Variants in SERPINB11 observed in about 807,000 individuals in gnomAD.
The protein encoded by SERPINB11 is serpin B11.
A neutral mutation model predicts 36.7 loss-of-function variants in SERPINB11; 32 were observed. That is an observed-to-expected ratio of 0.87 (90% confidence interval 0.66 to 1.17). The LOEUF is 1.17. SERPINB11 is among the 50% of genes most tolerant of loss of function. The probability of loss-of-function intolerance (pLI) is 0.00; values close to 1 mark genes in which losing one functional copy is unlikely to be tolerated. For missense variants in SERPINB11, 528 were observed against 458.4 expected, an observed-to-expected ratio of 1.15 and a Z score of -1.39; for synonymous variants, 174 against 168.1, an observed-to-expected ratio of 1.04 and a Z score of -0.27.
chr18:63,716,579 A>G (rs1028904676), intron 5 of SERPINB11, among the ~76,000 whole-genome samples: 2 of 152,120 alleles, frequency 1.3e-5, no homozygotes, highest in Admixed American at 6.6e-5. Flanking sequence ...GGCTGGCTTT[A>G]TTCATGTAAT....
intron 6 of SERPINB11, 57 bp downstream of exon 6, chr18:63,720,212 A>G: frequency 7.0e-7 from 1 of 1,430,404 alleles, no homozygotes; most frequent in Non-Finnish European, 9.7e-7. Context: ...TAATCATTTA[A>G]GGACAATTTA....
upstream of SERPINB11, chr18:63,702,793 G>A (rs1041809483): frequency 3.3e-5 from 5 of 152,194 alleles, no homozygotes; most frequent in African/African-American, 7.2e-5. Context: ...TTACAGGAAT[G>A]AGCCACCATG....
At position 63,720,001 on chromosome 18, in the gene SERPINB11, T is replaced by C. The variant is rs372335049; in HGVS notation, c.476-12T>C. On this transcript the variant is annotated splice_polypyrimidine_tract_variant and intron_variant, in intron 5 of 7. Coordinates refer to ENST00000544088, the MANE Select transcript of SERPINB11 (RefSeq NM_001370475.1). Reference sequence around the variant, plus strand: ...TCAAATCCAAATATAATTATCTTATTTTTTATACAAGGAAAAGTCGCAAAT... The same window carrying C: ...TCAAATCCAAATATAATTATCTTATCTTTTATACAAGGAAAAGTCGCAAAT... 6.3e-7 allele frequency: 1 copy of C among 1,585,212 alleles called. No homozygotes were observed. The highest frequency in any genetic ancestry group is 8.6e-7 in the Non-Finnish European group (1 of 1,167,538).
rs922708177 is a variant in SERPINB11 at position 63,710,264 on chromosome 18, T to C, written c.71T>C (p.Ile24Thr). The change falls in exon 2 of 8, where the codon ATA (isoleucine) becomes ACA (threonine). Residue 24 changes from isoleucine (I) to threonine (T), a missense_variant. By Grantham distance (89) the Ile-to-Thr change is moderately conservative. Transcript: ENST00000544088. ...TTCAAAGAGCTGAACAGTAACAACA[T>C]AGGAGATAACATCTTCTTTTCTTCG... ...DVFKELNSNN[I>T]GDNIFFSSLS... 1.2e-6 allele frequency: 2 copies of C among 1,613,700 alleles called. No individual in the cohort carries two copies. The highest frequency in any genetic ancestry group is 1.7e-5 in the Admixed American group (1 of 59,996).
At chr18:63,714,778 T>C (rs1914623966) in intron 4 of SERPINB11, among the ~76,000 whole-genome samples, 1 of 152,276 alleles carries the variant, frequency 6.6e-6, no homozygotes, top group African/African-American at 2.4e-5. Flanking sequence ...ACACATGCTT[T>C]ACGAACAATT....
At chr18:63,710,531 A>G (rs1235853845) in intron 2 of SERPINB11, among the ~76,000 whole-genome samples, 170 bp downstream of exon 2, 2 of 152,256 alleles carry the variant, frequency 1.3e-5, no homozygotes, top group African/African-American at 2.4e-5. Flanking sequence ...TGATTAATGG[A>G]GTATGCTGTA....
chr18:63,712,507 C>G, intron 3 of SERPINB11, 58 bp from the exon 4 acceptor site: 1 of 1,592,014 alleles, frequency 6.3e-7, no homozygotes, highest in East Asian at 2.2e-5. Flanking sequence ...AGTTATCATT[C>G]TCCAATGGCA....
chr18:63,709,333 C>A (rs1007118384), intron 1 of SERPINB11, among the ~76,000 whole-genome samples: 3 of 151,984 alleles, frequency 2.0e-5, no homozygotes, highest in Non-Finnish European at 2.9e-5. Flanking sequence ...GCTGGAAGTG[C>A]GGGCATGGTG....
At chr18:63,708,181 C>T (rs1484087801) in intron 1 of SERPINB11, among the ~76,000 whole-genome samples, 2 of 152,174 alleles carry the variant, frequency 1.3e-5, no homozygotes, top group African/African-American at 2.4e-5. Flanking sequence ...GACAGGTGGC[C>T]AGGGCCAGAT....
intron 5 of SERPINB11, among the ~76,000 whole-genome samples, chr18:63,719,556 C>T (rs1416233673): frequency 2.8e-4 from 43 of 151,944 alleles, no homozygotes. Flanking sequence ...ACTTCAAGTG[C>T]TTTAGTATAT....
chr18:63,717,464 G>A (rs9973125), intron 5 of SERPINB11, among the ~76,000 whole-genome samples: 1,923 of 152,088 alleles, frequency 0.013, 43 homozygotes, highest in African/African-American at 0.044. Context: ...TTTCTTAAGT[G>A]GTTGTGTCAA....
intron 3 of SERPINB11, among the ~76,000 whole-genome samples, chr18:63,711,849 A>G (rs1224124935): frequency 6.6e-6 from 1 of 152,176 alleles, no homozygotes; most frequent in Non-Finnish European, 1.5e-5. Context: ...TTTGACATCA[A>G]AATTATATAG....
Position 63,720,555 on chromosome 18 carries a change from A to C in SERPINB11, c.619-276A>C. 2.0e-5 allele frequency: 8 copies of C among 398,244 alleles called. No homozygotes were observed. In the Admixed American group the frequency reaches 2.9e-4, roughly 15 times the overall value. The allele number at this position is 398,244 out of a possible 1,614,324, so 24.7% of individuals were successfully genotyped here. On this transcript the variant is annotated intron_variant, in intron 6 of 7. Transcript: ENST00000544088. ...ATGATATATCCTTTTTCTTCCCACT[A>C]AAATCATGTTAGCTAAAAATCCTGA...
intron 4 of SERPINB11, among the ~76,000 whole-genome samples, chr18:63,713,021 T>C (rs1914569244): frequency 6.6e-6 from 1 of 152,216 alleles, no homozygotes; most frequent in South Asian, 2.1e-4. Flanking sequence ...AGGTTCTTAA[T>C]AGTGGAGTAT....
intron 1 of SERPINB11, among the ~76,000 whole-genome samples, chr18:63,707,122 G>T (rs79644287): frequency 0.022 from 3,338 of 152,306 alleles, 49 homozygotes; most frequent in Middle Eastern, 0.034. Flanking sequence ...ATCCAGGCTT[G>T]CTCTTGGGGC....
chr18:63,722,064 G>A (rs1016214234), intron 7 of SERPINB11, among the ~76,000 whole-genome samples: 3 of 152,152 alleles, frequency 2.0e-5, no homozygotes, highest in African/African-American at 4.8e-5. Context: ...GGATGAATAG[G>A]AGAATCACAG....
intron 2 of SERPINB11, 50 bp from the exon 3 acceptor site, chr18:63,711,285 G>C: frequency 4.8e-6 from 6 of 1,246,422 alleles, no homozygotes; most frequent in Non-Finnish European, 7.0e-6. Flanking sequence ...AACCTTTATA[G>C]ACTGTACATT....
In SERPINB11 at chr18:63,723,195, C is replaced by T. The variant is rs1414602647; in HGVS notation, c.975C>T (p.Gly325=). 1 of 1,613,528 alleles carries T rather than the reference C, an allele frequency of 6.2e-7. No individual in the cohort carries two copies. Among genetic ancestry groups the T allele is most frequent in the Non-Finnish European group, 8.5e-7 (1 of 1,179,754 alleles). Residue 325 remains glycine (G), a synonymous_variant, in exon 8 of 8, where the codon GGC becomes GGT. Transcript: ENST00000544088. ...ADLSGMSPTK[G]LYLSKAIHKS... Reference sequence around the variant, plus strand: ...TTTCTGGAATGTCACCAACCAAGGGCCTATATTTATCAAAAGCCATCCACA... The same window carrying T: ...TTTCTGGAATGTCACCAACCAAGGGTCTATATTTATCAAAAGCCATCCACA...
At chr18:63,720,392 A>T (rs1345824596) in intron 6 of SERPINB11, 2 of 493,438 alleles carry the variant, frequency 4.1e-6, no homozygotes, top group South Asian at 4.9e-5. Flanking sequence ...GAGAAAACCC[A>T]TTCTTTTCTT....
Sources: gnomAD v4.1 joint callset for allele counts (sites outside exome capture counted in the v4.1 genomes callset) on GRCh38, gnomAD v4.1.1 for gene constraint, MANE v1.5 for transcripts, NCBI Gene and HGNC (gene_info 2026-07-23, HGNC 2026-07-21) for gene names.